The following CDH18 variants were observed in gnomAD, a reference collection of about 807,000 sequenced individuals.
CDH18 encodes cadherin 18, also known as cadherin-18.
A neutral mutation model predicts 67.9 loss-of-function variants in CDH18; 31 were observed. That is an observed-to-expected ratio of 0.46 (90% confidence interval 0.34 to 0.62). CDH18 has a LOEUF of 0.62. Ranked by LOEUF, CDH18 falls within the 20% of genes least tolerant of loss-of-function variation. The pLI is 0.01. For missense variants in CDH18, 890 were observed against 975.5 expected (o/e 0.91, Z 1.17); for synonymous variants, 362 against 347.2 (o/e 1.04, Z -0.48).
chr5:20,271,188 A>C (rs1457118536), intron 1 of CDH18, among the ~76,000 whole-genome samples: 1 of 152,032 alleles, frequency 6.6e-6, no homozygotes, highest in Non-Finnish European at 1.5e-5. Context: ...AAAAAGGAGG[A>C]AACTTATTTT....
intron 3 of CDH18, among the ~76,000 whole-genome samples, chr5:19,755,836 C>A (rs943715564): frequency 8.6e-5 from 13 of 152,018 alleles, no homozygotes; most frequent in African/African-American, 3.1e-4. Context: ...TCACGTTTTT[C>A]TGCCTGCTTT....
chr5:19,793,012 T>G (rs1776517719), intron 3 of CDH18, among the ~76,000 whole-genome samples: 1 of 152,148 alleles, frequency 6.6e-6, no homozygotes, highest in Non-Finnish European at 1.5e-5. Flanking sequence ...GTGAAATAAT[T>G]TGATGATATT....
intron 1 of CDH18, among the ~76,000 whole-genome samples, chr5:20,398,357 ATTAAT>A (rs1264375012): frequency 2.0e-5 from 3 of 152,286 alleles, no homozygotes; most frequent in South Asian, 4.1e-4. Flanking sequence ...TTATCACTAA[ATTAAT>A]TTAGTTTAAA....
chr5:19,731,237 C>T (rs1767551948), intron 4 of CDH18, among the ~76,000 whole-genome samples: 1 of 152,048 alleles, frequency 6.6e-6, no homozygotes. Flanking sequence ...ATCACGAGGT[C>T]AGAAGATCGA....
chr5:20,125,588 T>G (rs1748753059), intron 2 of CDH18, among the ~76,000 whole-genome samples: 1 of 152,184 alleles, frequency 6.6e-6, no homozygotes, highest in Non-Finnish European at 1.5e-5. Context: ...ATTCTCATAT[T>G]CTGTGTCTGT....
At chr5:20,133,833 G>C (rs1749472597) in intron 2 of CDH18, among the ~76,000 whole-genome samples, 1 of 152,034 alleles carries the variant, frequency 6.6e-6, no homozygotes, top group Admixed American at 6.6e-5. Flanking sequence ...TTCTATCAAT[G>C]ACTTGGTGTC....
At chr5:20,322,833 A>G (rs187528484) in intron 1 of CDH18, among the ~76,000 whole-genome samples, 1 of 152,294 alleles carries the variant, frequency 6.6e-6, no homozygotes, top group East Asian at 1.9e-4. Flanking sequence ...GTGTTATGCT[A>G]AGTATCTAAA....
chr5:19,631,733 G>A (rs1561506539), intron 5 of CDH18, among the ~76,000 whole-genome samples: 1 of 152,114 alleles, frequency 6.6e-6, no homozygotes. Context: ...CTGAAAGGTA[G>A]TATCACATCT....
chr5:19,771,208 G>A (rs988069881), intron 3 of CDH18, among the ~76,000 whole-genome samples: 2 of 152,152 alleles, frequency 1.3e-5, no homozygotes, highest in Admixed American at 6.5e-5. Context: ...GTGTAATGTC[G>A]TCTTTTTGAG....
chr5:19,516,444 C>T lies in CDH18; in HGVS notation c.1512+4213G>A, dbSNP rs539856848. Among the ~76,000 whole-genome samples, 6 of 152,164 alleles carry T rather than the reference C, an allele frequency of 3.9e-5. No homozygotes were observed. In the South Asian group the frequency reaches 1.2e-3, roughly 32 times the overall value. The stretch of plus-strand genomic sequence containing the variant: ...GAATGGTACCAGCTCCTCTTTGTAC[C>T]TCTGGTAGAATTTGGCTGTGAATAA... On this transcript the variant is annotated intron_variant, in intron 10 of 12. Coordinates refer to ENST00000382275, the MANE Select transcript of CDH18 (RefSeq NM_004934.5).
At chr5:19,594,379 C>T (rs1293202535) in intron 6 of CDH18, among the ~76,000 whole-genome samples, 5 of 152,128 alleles carry the variant, frequency 3.3e-5, no homozygotes, top group African/African-American at 1.2e-4. Flanking sequence ...TCTTGAACTC[C>T]TGACCTCGTG....
At chr5:19,888,883 C>T (rs977323274) in intron 2 of CDH18, among the ~76,000 whole-genome samples, 4 of 151,998 alleles carry the variant, frequency 2.6e-5, no homozygotes, top group African/African-American at 4.8e-5. Context: ...GTTTTCAATA[C>T]GTTTTTACCT....
At chr5:20,542,506 ATTG>A (rs1249446240) in intron 1 of CDH18, among the ~76,000 whole-genome samples, 4 of 151,580 alleles carry the variant, frequency 2.6e-5, no homozygotes, top group Non-Finnish European at 5.9e-5. Context: ...GTGTATATAT[ATTG>A]TGCGTATGCA....
intron 2 of CDH18, among the ~76,000 whole-genome samples, chr5:20,163,347 A>C (rs1042385834): frequency 6.6e-6 from 1 of 152,298 alleles, no homozygotes; most frequent in African/African-American, 2.4e-5. Flanking sequence ...TAAAAAAAGT[A>C]TCATTTCATA....
intron 10 of CDH18, among the ~76,000 whole-genome samples, chr5:19,506,420 T>C (rs983584932): frequency 6.6e-6 from 1 of 152,170 alleles, no homozygotes; most frequent in African/African-American, 2.4e-5. Context: ...TTAAAGTTCA[T>C]ATGGAACCAA....
chr5:19,841,887 T>C (rs563499789), intron 2 of CDH18, among the ~76,000 whole-genome samples: 2 of 152,304 alleles, frequency 1.3e-5, no homozygotes, highest in South Asian at 2.1e-4. Flanking sequence ...ATCTCAATTA[T>C]GACAATTATG....
At position 20,538,785 on chromosome 5, in the gene CDH18, T is replaced by C. The variant is rs560772572; in HGVS notation, c.-580+36677A>G. Among the ~76,000 whole-genome samples, 421 of 152,240 alleles carry C rather than the reference T, an allele frequency of 2.8e-3. 1 individual carries two copies. Among genetic ancestry groups the C allele is most frequent in the African/African-American group, 9.7e-3 (403 of 41,556 alleles). ...GAAAAATATTGCATGTTAGCTAATT[T>C]GAAGGTGTATATTGTGTGAATTTGA... On this transcript the variant is annotated intron_variant, in intron 1 of 14. Coordinates refer to the CDH18 transcript ENST00000507958.
At chr5:20,109,156 A>G (rs1346389725) in intron 2 of CDH18, among the ~76,000 whole-genome samples, 1 of 152,202 alleles carries the variant, frequency 6.6e-6, no homozygotes, top group African/African-American at 2.4e-5. Context: ...AATGTGACAG[A>G]CAAGGAAAAA....
At chr5:20,296,271 T>TG (rs1482344159) in intron 1 of CDH18, among the ~76,000 whole-genome samples, 5 of 151,110 alleles carry the variant, frequency 3.3e-5, no homozygotes, top group Non-Finnish European at 5.9e-5. Context: ...GTTTTTTTTT[T>TG]GAGAGGGAGT....
Sources: allele counts gnomAD v4.1 joint callset (sites outside exome capture counted in the v4.1 genomes callset), GRCh38; gene constraint gnomAD v4.1.1; transcripts MANE v1.5; gene names NCBI Gene and HGNC (gene_info 2026-07-23, HGNC 2026-07-21).